The following MEGF9 variants were observed in gnomAD, a reference collection of about 807,000 sequenced individuals.
The protein encoded by MEGF9 is multiple EGF like domains 9.
Under a neutral mutation model 46.8 loss-of-function variants are expected in MEGF9, and 6 were observed. That is an observed-to-expected ratio of 0.13 (90% confidence interval 0.07 to 0.25). The LOEUF is 0.25. MEGF9 is among the 10% of genes least tolerant of loss of function. The pLI is 1.00. For synonymous variants in MEGF9, 302 were observed against 330.7 expected (o/e 0.91, Z 0.94); for missense variants, 683 against 792.4 (o/e 0.86, Z 1.66).
intron 1 of MEGF9, among the ~76,000 whole-genome samples, chr9:120,665,970 C>T (rs10984976): frequency 0.024 from 3,710 of 152,144 alleles, 126 homozygotes; most frequent in African/African-American, 0.075. Context: ...TGTTTTTATA[C>T]CTATGCCATG....
chr9:120,652,686 T>A (rs1347736728), intron 2 of MEGF9, among the ~76,000 whole-genome samples: 1 of 151,958 alleles, frequency 6.6e-6, no homozygotes, highest in Non-Finnish European at 1.5e-5. Flanking sequence ...ATAATAGTCA[T>A]ATATATTTAT....
intron 3 of MEGF9, among the ~76,000 whole-genome samples, chr9:120,618,624 T>G (rs2043482883): frequency 6.6e-6 from 1 of 152,140 alleles, no homozygotes; most frequent in Admixed American, 6.5e-5. Flanking sequence ...TAGGCTGGGC[T>G]CCGTGGCTCA....
At chr9:120,694,868 A>G (rs2043867430) in intron 1 of MEGF9, among the ~76,000 whole-genome samples, 1 of 152,178 alleles carries the variant, frequency 6.6e-6, no homozygotes, top group South Asian at 2.1e-4. Context: ...GTCTAGTTGT[A>G]TATTATAATA....
intron 1 of MEGF9, among the ~76,000 whole-genome samples, chr9:120,672,388 T>A (rs1253193177): frequency 6.6e-6 from 1 of 151,458 alleles, no homozygotes; most frequent in Non-Finnish European, 1.5e-5. Context: ...AATCCAGGAG[T>A]TCAAGACCAG....
chr9:120,659,620 T>C, intron 1 of MEGF9, 45 bp from the exon 2 acceptor site: 1 of 1,416,274 alleles, frequency 7.1e-7, no homozygotes, highest in Non-Finnish European at 9.6e-7. Flanking sequence ...TAAGATTTAA[T>C]GCCCTCTTAA....
At position 120,647,087 on chromosome 9, in the gene MEGF9, A is replaced by T. The variant is rs533776542; in HGVS notation, c.803+12287T>A. Among the ~76,000 whole-genome samples, 4 of 152,276 alleles carry T rather than the reference A, an allele frequency of 2.6e-5. No individual in the cohort carries two copies. The South Asian group carries it at 8.3e-4, about 32-fold the overall frequency. On this transcript the variant is annotated intron_variant, in intron 2 of 5. Coordinates refer to ENST00000373930, the MANE Select transcript of MEGF9 (RefSeq NM_001080497.3). ...ACGGTAACATGTTTAATCAACGGCA[A>T]TATCAACACACTGTGACATGTTAAT...
chr9:120,695,097 C>A (rs2043868864), intron 1 of MEGF9, among the ~76,000 whole-genome samples: 1 of 150,890 alleles, frequency 6.6e-6, no homozygotes, highest in Non-Finnish European at 1.5e-5. Context: ...CTCTTATGGA[C>A]CTTACATTCT....
At chr9:120,698,410 A>G (rs2043888581) in intron 1 of MEGF9, among the ~76,000 whole-genome samples, 1 of 152,212 alleles carries the variant, frequency 6.6e-6, no homozygotes, top group Non-Finnish European at 1.5e-5. Flanking sequence ...AACTGGCAAC[A>G]TGACACAGGA....
chr9:120,657,003 A>T (rs1256845896), intron 2 of MEGF9, among the ~76,000 whole-genome samples: 1 of 152,232 alleles, frequency 6.6e-6, no homozygotes, highest in Non-Finnish European at 1.5e-5. Flanking sequence ...CCATGATTGG[A>T]TATAAACCAC....
intron 1 of MEGF9, among the ~76,000 whole-genome samples, chr9:120,661,283 G>A (rs909751748): frequency 1.3e-5 from 2 of 152,194 alleles, no homozygotes; most frequent in African/African-American, 4.8e-5. Flanking sequence ...GGAGGCCAAG[G>A]TGGGCAGATC....
intron 2 of MEGF9, among the ~76,000 whole-genome samples, chr9:120,638,744 G>A (rs1310387873): frequency 6.6e-6 from 1 of 152,216 alleles, no homozygotes; most frequent in Non-Finnish European, 1.5e-5. Context: ...CTTCTGATTA[G>A]TAATGAGATG....
At chr9:120,713,659 T>C in intron 1 of MEGF9, 99 bp downstream of exon 1, 2 of 1,231,980 alleles carry the variant, frequency 1.6e-6, no homozygotes, top group Non-Finnish European at 2.0e-6. Context: ...TGGGGTGTCT[T>C]TGGGGTAACA....
rs917508628 is a variant in MEGF9, at chr9:120,713,699, C to G, written c.601+59G>C. 7 of 1,259,754 alleles carry G rather than the reference C, an allele frequency of 5.6e-6. 1 individual carries two copies. In the East Asian group the frequency reaches 1.5e-4, roughly 26 times the overall value. The allele number at this position is 1,259,754 out of a possible 1,614,324, so 78.0% of individuals were successfully genotyped here. ...ATAAATTATAGGCAAGAGCCCAACC[C>G]TAGATTGCCGGGGCTGAGGTGAGGA... On this transcript the variant is annotated intron_variant, in intron 1 of 5. Transcript: ENST00000373930.
intron 4 of MEGF9, among the ~76,000 whole-genome samples, chr9:120,608,383 A>T (rs1284484377): frequency 6.6e-6 from 1 of 152,236 alleles, no homozygotes; most frequent in African/African-American, 2.4e-5. Flanking sequence ...CTGAATGATT[A>T]TGATGGGTTG....
chr9:120,701,862 C>G (rs1011039111), intron 1 of MEGF9, among the ~76,000 whole-genome samples: 2 of 151,780 alleles, frequency 1.3e-5, no homozygotes, highest in East Asian at 1.9e-4. Flanking sequence ...GGCTAATATG[C>G]TGAAACCCCG....
chr9:120,662,085 A>G (rs1253018673), intron 1 of MEGF9, among the ~76,000 whole-genome samples: 1 of 152,228 alleles, frequency 6.6e-6, no homozygotes, highest in Non-Finnish European at 1.5e-5. Flanking sequence ...AACTGAGTCA[A>G]TGTTCCCAAT....
intron 1 of MEGF9, among the ~76,000 whole-genome samples, chr9:120,691,977 C>T (rs1178007483): frequency 6.6e-6 from 1 of 152,158 alleles, no homozygotes; most frequent in African/African-American, 2.4e-5. Flanking sequence ...CTATGTACCA[C>T]TCATTATTAC....
intron 1 of MEGF9, among the ~76,000 whole-genome samples, chr9:120,673,874 A>G (rs1274897390): frequency 2.0e-5 from 3 of 151,308 alleles, no homozygotes; most frequent in African/African-American, 7.3e-5. Flanking sequence ...GGAGGCTGAG[A>G]CGGGAGAATC....
At chr9:120,634,071 A>T (rs1253278719) in intron 2 of MEGF9, among the ~76,000 whole-genome samples, 9 of 152,176 alleles carry the variant, frequency 5.9e-5, no homozygotes, top group Non-Finnish European at 1.2e-4. Flanking sequence ...TAGCTTTTGG[A>T]TTAAATGTTC....
Sources: gnomAD v4.1 joint callset for allele counts (sites outside exome capture counted in the v4.1 genomes callset) on GRCh38, gnomAD v4.1.1 for gene constraint, MANE v1.5 for transcripts, NCBI Gene and HGNC (gene_info 2026-07-23, HGNC 2026-07-21) for gene names.